TRAPPC9: variants seen among roughly 807,000 people sequenced by gnomAD.
TRAPPC9 encodes IKK2 binding protein.
In TRAPPC9, 83 loss-of-function variants were observed where a neutral mutation model predicts 124.0. The observed-to-expected ratio is 0.67, with a 90% CI of 0.56 to 0.80. The LOEUF (loss-of-function observed/expected upper bound fraction) is 0.80. Ranked by LOEUF, TRAPPC9 falls within the 30% of genes least tolerant of loss-of-function variation. The pLI, the probability that TRAPPC9 is intolerant of heterozygous loss-of-function variation, is 0.00. For synonymous variants in TRAPPC9, 638 were observed against 617.5 expected (o/e 1.03, Z -0.49); for missense variants, 1,302 against 1,508.3 (o/e 0.86, Z 2.27).
chr8:140,370,036 T>C (rs1404200499), intron 8 of TRAPPC9, among the ~76,000 whole-genome samples: 1 of 152,214 alleles, frequency 6.6e-6, no homozygotes, highest in Admixed American at 6.5e-5. Flanking sequence ...ATCACAGTTC[T>C]TTCCTGTCTA....
rs144815243 is a variant in TRAPPC9 at position 140,367,793 on chromosome 8, G to A, written c.1351+3171C>T. ...CAACAAATGTACCACCCTGGTATGGGGTGTTAACAGTGGGGAAGTCTGTGC... is the reference window on the plus strand; with the variant it reads ...CAACAAATGTACCACCCTGGTATGGAGTGTTAACAGTGGGGAAGTCTGTGC... On this transcript the variant is annotated intron_variant, in intron 8 of 22. Coordinates refer to ENST00000438773, the MANE Select transcript of TRAPPC9 (RefSeq NM_001160372.4). Among the ~76,000 whole-genome samples the A allele has an allele frequency of 5.5e-4, 83 of 152,248 alleles. No individual in the cohort carries two copies. The East Asian group carries it at 0.015, about 28-fold the overall frequency.
chr8:140,362,046 C>G (rs1475155052), intron 8 of TRAPPC9, among the ~76,000 whole-genome samples: 2 of 152,202 alleles, frequency 1.3e-5, no homozygotes, highest in African/African-American at 4.8e-5. Flanking sequence ...AGTCCCTCTT[C>G]TGTATTTCCG....
intron 21 of TRAPPC9, among the ~76,000 whole-genome samples, chr8:139,758,901 C>A (rs1031354957): frequency 4.6e-5 from 7 of 152,206 alleles, no homozygotes; most frequent in African/African-American, 9.6e-5. Flanking sequence ...CATCCTCCAG[C>A]GGACCCTAGC....
intron 21 of TRAPPC9, among the ~76,000 whole-genome samples, chr8:139,882,863 T>C (rs753354429): frequency 3.3e-5 from 5 of 152,142 alleles, no homozygotes; most frequent in Admixed American, 6.5e-5. Context: ...TAACACATGA[T>C]AGAGCTGGGA....
chr8:139,912,375 T>TAAGA, intron 19 of TRAPPC9, among the ~76,000 whole-genome samples: 1 of 152,198 alleles, frequency 6.6e-6, no homozygotes, highest in Non-Finnish European at 1.5e-5. Context: ...TATCATAGCC[T>TAAGA]ACAGAATGGT....
At chr8:139,882,680 G>A (rs890535813) in intron 21 of TRAPPC9, among the ~76,000 whole-genome samples, 1 of 152,192 alleles carries the variant, frequency 6.6e-6, no homozygotes, top group South Asian at 2.1e-4. Flanking sequence ...GAGGAGACAG[G>A]TGCGGGTCTC....
At chr8:140,348,123 C>T (rs531131155) in intron 9 of TRAPPC9, among the ~76,000 whole-genome samples, 38 of 152,322 alleles carry the variant, frequency 2.5e-4, no homozygotes, top group African/African-American at 6.5e-4. Context: ...CTTTCCGAGG[C>T]GCTGGGACGC....
intron 9 of TRAPPC9, among the ~76,000 whole-genome samples, chr8:140,348,833 A>G (rs775695804): frequency 7.2e-4 from 110 of 152,138 alleles, no homozygotes; most frequent in Non-Finnish European, 1.4e-3. Context: ...ATCACCAGAC[A>G]CTGGGAGCAA....
intron 17 of TRAPPC9, among the ~76,000 whole-genome samples, chr8:140,175,001 A>AC (rs2062034318): frequency 7.1e-6 from 1 of 141,002 alleles, no homozygotes. Context: ...GCACCTGGGG[A>AC]TTTTTTTTTT....
At chr8:139,924,580 C>A (rs1485154096) in intron 19 of TRAPPC9, among the ~76,000 whole-genome samples, 1 of 152,214 alleles carries the variant, frequency 6.6e-6, no homozygotes, top group African/African-American at 2.4e-5. Context: ...GGAAGCCCTG[C>A]CTTCAACTCT....
chr8:139,977,369 C>A (rs1212526241), intron 19 of TRAPPC9, among the ~76,000 whole-genome samples: 2 of 151,998 alleles, frequency 1.3e-5, no homozygotes, highest in South Asian at 2.1e-4. Context: ...CACCTGTAAT[C>A]CCAGCACTTT....
intron 16 of TRAPPC9, among the ~76,000 whole-genome samples, chr8:140,226,317 C>T (rs911641288): frequency 5.3e-5 from 8 of 152,126 alleles, no homozygotes; most frequent in African/African-American, 9.7e-5. Context: ...TATGGGCCAG[C>T]GTGGTGGCTC....
At chr8:140,237,197 T>A (rs2063749831) in intron 16 of TRAPPC9, among the ~76,000 whole-genome samples, 1 of 150,750 alleles carries the variant, frequency 6.6e-6, no homozygotes, top group Non-Finnish European at 1.5e-5. Context: ...ATATAAAAAA[T>A]AAATAAAATA....
At position 140,376,354 on chromosome 8, in the gene TRAPPC9, G is replaced by A. The variant is rs192819392; in HGVS notation, c.1135-5174C>T. ...GGCAGATCACAAGGTCAGGAGATCA[G>A]GATCATCCTGGCCAACACAGTGAAA... On this transcript the variant is annotated intron_variant, in intron 7 of 22. Transcript: ENST00000438773. 5.4e-4 allele frequency among the ~76,000 whole-genome samples: 82 copies of A among 151,958 alleles called. No individual in the cohort carries two copies. The East Asian group carries it at 0.015, about 28-fold the overall frequency.
At chr8:140,414,217 C>T (rs982613228) in intron 5 of TRAPPC9, among the ~76,000 whole-genome samples, 13 of 152,036 alleles carry the variant, frequency 8.6e-5, no homozygotes, top group Non-Finnish European at 1.9e-4. Flanking sequence ...AAATATTCTA[C>T]AGTAGAAATT....
intron 19 of TRAPPC9, among the ~76,000 whole-genome samples, chr8:139,961,747 G>A (rs1835382244): frequency 8.1e-6 from 1 of 123,678 alleles, no homozygotes; most frequent in South Asian, 2.7e-4. Flanking sequence ...ATCTCAAAGC[G>A]GGGGACTTGT....
chr8:140,161,025 G>A (rs1240997629), intron 17 of TRAPPC9, among the ~76,000 whole-genome samples: 2 of 152,174 alleles, frequency 1.3e-5, no homozygotes, highest in African/African-American at 4.8e-5. Context: ...TTACAGATGA[G>A]GAAGTTGAGG....
chr8:140,137,520 C>T (rs1055666825), intron 17 of TRAPPC9, among the ~76,000 whole-genome samples: 4 of 152,156 alleles, frequency 2.6e-5, no homozygotes, highest in South Asian at 2.1e-4. Context: ...TACCGCAGAC[C>T]GGCCCTGGGC....
At chr8:140,215,462 G>A (rs1269300534) in intron 17 of TRAPPC9, among the ~76,000 whole-genome samples, 1 of 151,904 alleles carries the variant, frequency 6.6e-6, no homozygotes, top group Non-Finnish European at 1.5e-5. Context: ...AGGCAACACA[G>A]TGAAACCCCA....
Sources: allele counts gnomAD v4.1 joint callset (sites outside exome capture counted in the v4.1 genomes callset), GRCh38; gene constraint gnomAD v4.1.1; transcripts MANE v1.5; gene names NCBI Gene and HGNC (gene_info 2026-07-23, HGNC 2026-07-21).